Variants in MYRIP observed in about 807,000 individuals in gnomAD.
The protein encoded by MYRIP is myosin VIIA and Rab interacting protein, also known as rab effector MyRIP.
MYRIP carries 49 observed loss-of-function variants against 98.0 expected under a neutral mutation model. That is an observed-to-expected ratio of 0.50 (90% CI 0.40 to 0.63). The LOEUF (loss-of-function observed/expected upper bound fraction) is 0.63. Ranked by LOEUF, MYRIP falls within the 30% of genes least tolerant of loss-of-function variation. The pLI is 0.00. For synonymous variants in MYRIP, 404 were observed against 409.5 expected (o/e 0.99, Z 0.16); for missense variants, 1,004 against 1,058.2 (o/e 0.95, Z 0.71).
intron 3 of MYRIP, among the ~76,000 whole-genome samples, chr3:40,138,245 C>T (rs1949822287): frequency 6.6e-6 from 1 of 152,124 alleles, no homozygotes; most frequent in Non-Finnish European, 1.5e-5. Context: ...AAGGTGTGTT[C>T]ACTTACATTC....
chr3:40,219,323 ATTTTATT>A (rs1952249043), intron 11 of MYRIP, among the ~76,000 whole-genome samples: 2 of 152,166 alleles, frequency 1.3e-5, no homozygotes, highest in South Asian at 4.1e-4. Context: ...TGTTTGTTTT[ATTTTATT>A]TTTTAAACTT....
chr3:40,231,884 T>G (rs187179685), intron 11 of MYRIP, among the ~76,000 whole-genome samples: 1 of 152,298 alleles, frequency 6.6e-6, no homozygotes, highest in African/African-American at 2.4e-5. Context: ...AATAAAAGGG[T>G]AACAAATCTG....
intron 3 of MYRIP, among the ~76,000 whole-genome samples, chr3:40,052,809 G>A (rs1049777596): frequency 4.6e-5 from 7 of 152,090 alleles, no homozygotes; most frequent in South Asian, 2.1e-4. Context: ...CACATTCAAC[G>A]TGACACAATA....
At chr3:40,142,350 G>A (rs999333481) in intron 3 of MYRIP, among the ~76,000 whole-genome samples, 5 of 151,782 alleles carry the variant, frequency 3.3e-5, no homozygotes, top group African/African-American at 1.2e-4. Flanking sequence ...ACCGCACCCG[G>A]CCTGCTGTTG....
intron 3 of MYRIP, among the ~76,000 whole-genome samples, chr3:40,134,448 C>A (rs1333996318): frequency 6.6e-6 from 1 of 152,246 alleles, no homozygotes; most frequent in Non-Finnish European, 1.5e-5. Context: ...GTAGGCTCCA[C>A]CTCTGGGGGC....
At chr3:40,078,607 A>C (rs1948408516) in intron 3 of MYRIP, among the ~76,000 whole-genome samples, 1 of 152,200 alleles carries the variant, frequency 6.6e-6, no homozygotes, top group Non-Finnish European at 1.5e-5. Flanking sequence ...AACACTGCTG[A>C]ATTCAAGACT....
intron 11 of MYRIP, among the ~76,000 whole-genome samples, chr3:40,213,609 AACACACAC>A (rs71618924): frequency 0.02 from 872 of 42,864 alleles, 2 homozygotes; most frequent in Middle Eastern, 0.043. Flanking sequence ...TAGTCTGAGC[AACACACAC>A]ACACACACAC....
chr3:40,112,538 T>C (rs1949180340), intron 3 of MYRIP, among the ~76,000 whole-genome samples: 1 of 152,236 alleles, frequency 6.6e-6, no homozygotes, highest in African/African-American at 2.4e-5. Context: ...GCCAGCTGCA[T>C]TTTTGAGCAG....
intron 10 of MYRIP, among the ~76,000 whole-genome samples, chr3:40,202,221 T>C (rs1343416351): frequency 6.6e-6 from 1 of 152,168 alleles, no homozygotes; most frequent in African/African-American, 2.4e-5. Flanking sequence ...CATGTGACTG[T>C]TGAAAGTTAT....
intron 1 of MYRIP, among the ~76,000 whole-genome samples, chr3:39,886,663 A>G (rs1299552504): frequency 6.6e-6 from 1 of 152,048 alleles, no homozygotes; most frequent in Non-Finnish European, 1.5e-5. Flanking sequence ...TATGCACCCA[A>G]TACAGGAGCA....
intron 1 of MYRIP, among the ~76,000 whole-genome samples, chr3:39,838,295 A>G (rs1184275097): frequency 6.6e-6 from 1 of 152,244 alleles, no homozygotes; most frequent in Non-Finnish European, 1.5e-5. Flanking sequence ...CCGGTTTTCA[A>G]AGGGAATGCT....
chr3:39,986,973 T>C (rs1946046253), intron 2 of MYRIP, among the ~76,000 whole-genome samples: 1 of 152,110 alleles, frequency 6.6e-6, no homozygotes, highest in African/African-American at 2.4e-5. Context: ...TTAACAAGAT[T>C]CCCTGTTTCA....
At chr3:39,842,385 G>A (rs937064350) in intron 1 of MYRIP, among the ~76,000 whole-genome samples, 2 of 152,194 alleles carry the variant, frequency 1.3e-5, no homozygotes, top group Non-Finnish European at 2.9e-5. Context: ...GTGGAGCTTA[G>A]CTTGCTAGGC....
intron 2 of MYRIP, among the ~76,000 whole-genome samples, chr3:39,927,054 G>C (rs1285411822): frequency 6.6e-6 from 1 of 151,808 alleles, no homozygotes; most frequent in Non-Finnish European, 1.5e-5. Context: ...TCCTTGGTTG[G>C]AAATATTCCT....
chr3:40,041,002 AAAAG>A (rs1399843147), intron 2 of MYRIP, among the ~76,000 whole-genome samples: 14 of 128,694 alleles, frequency 1.1e-4, no homozygotes, highest in South Asian at 2.4e-4. Flanking sequence ...AAGAAAAAAA[AAAAG>A]AAAATATTAC....
chr3:40,239,761 T>G (rs1247720919), intron 12 of MYRIP, among the ~76,000 whole-genome samples: 12 of 141,374 alleles, frequency 8.5e-5, no homozygotes, highest in Non-Finnish European at 1.8e-4. Flanking sequence ...GTTGTTTGTT[T>G]TTTTCTTGTA....
At chr3:39,958,577 T>A (rs1945236059) in intron 2 of MYRIP, among the ~76,000 whole-genome samples, 1 of 152,138 alleles carries the variant, frequency 6.6e-6, no homozygotes, top group South Asian at 2.1e-4. Flanking sequence ...ATAAAAACCA[T>A]AGAAGAAAAC....
chr3:39,863,910 A>G (rs142576154), intron 1 of MYRIP, among the ~76,000 whole-genome samples: 1 of 152,280 alleles, frequency 6.6e-6, no homozygotes, highest in Non-Finnish European at 1.5e-5. Context: ...AAAAAATACT[A>G]GCAAACCAAA....
intron 2 of MYRIP, among the ~76,000 whole-genome samples, chr3:39,938,467 C>T (rs1944706375): frequency 6.6e-6 from 1 of 152,124 alleles, no homozygotes; most frequent in Admixed American, 6.5e-5. Context: ...CCTATGGCTG[C>T]ATTTCTGCTA....
Sources: allele counts gnomAD v4.1 joint callset (sites outside exome capture counted in the v4.1 genomes callset), GRCh38; gene constraint gnomAD v4.1.1; transcripts MANE v1.5; gene names NCBI Gene and HGNC (gene_info 2026-07-23, HGNC 2026-07-21).